The following MUSK variants were observed in gnomAD, a reference collection of about 807,000 sequenced individuals.
MUSK encodes muscle associated receptor tyrosine kinase.
In MUSK, 55 loss-of-function variants were observed where a neutral mutation model predicts 88.7. The ratio of observed to expected loss-of-function variants is 0.62; its 90% CI spans 0.50 to 0.78. The LOEUF (loss-of-function observed/expected upper bound fraction) is 0.78. MUSK is among the 30% of genes least tolerant of loss of function. The pLI is 0.00. For synonymous variants in MUSK, 387 were observed against 391.9 expected (o/e 0.99, Z 0.15); for missense variants, 1,015 against 1,074.3 (o/e 0.94, Z 0.77).
rs551937493 is a variant in MUSK at position 110,744,549 on chromosome 9, T to C, written c.754-3092T>C. Among the ~76,000 whole-genome samples, 8 of 152,336 alleles carry C rather than the reference T, an allele frequency of 5.3e-5. No individual in the cohort carries two copies. The East Asian group carries it at 1.5e-3, about 29-fold the overall frequency. On this transcript the variant is annotated intron_variant, in intron 6 of 14. Transcript: ENST00000374448. Reference sequence around the variant, plus strand: ...GGCATGAATTATTATGCCTATTTAATAGAGCTTCCTATCCTACTGCCTCTT... The same window carrying C: ...GGCATGAATTATTATGCCTATTTAACAGAGCTTCCTATCCTACTGCCTCTT...
At chr9:110,751,553 A>G (rs2077248082) in intron 7 of MUSK, among the ~76,000 whole-genome samples, 1 of 152,218 alleles carries the variant, frequency 6.6e-6, no homozygotes, top group African/African-American at 2.4e-5. Flanking sequence ...GTGAGTGCCT[A>G]TGAAGAGCAG....
intron 7 of MUSK, among the ~76,000 whole-genome samples, chr9:110,755,954 A>G (rs62571376): frequency 0.38 from 41,851 of 110,212 alleles, 8,057 homozygotes; most frequent in Non-Finnish European, 0.43. Context: ...ATATATACAC[A>G]TATATATATA....
intron 9 of MUSK, among the ~76,000 whole-genome samples, chr9:110,769,220 C>G (rs1429475057): frequency 6.6e-6 from 1 of 152,042 alleles, no homozygotes; most frequent in African/African-American, 2.4e-5. Context: ...TTGATAAAAC[C>G]AGAAACTATT....
In MUSK at chr9:110,802,541, A is replaced by T. The variant is rs550954104; in HGVS notation, c.*1553A>T. Among the ~76,000 whole-genome samples the T allele has an allele frequency of 6.6e-6, 1 of 152,218 alleles. No homozygotes were observed. Among genetic ancestry groups the T allele is most frequent in the East Asian group, 1.9e-4 (1 of 5,194 alleles). Reference sequence around the variant, plus strand: ...AATCTGCCTCATGTAACAGCTTGACATCTTTGGTGGGAAACCTGCCATTTC... The same window carrying T: ...AATCTGCCTCATGTAACAGCTTGACTTCTTTGGTGGGAAACCTGCCATTTC... On this transcript the variant is annotated 3_prime_UTR_variant, in exon 15 of 15. Transcript: ENST00000374448.
intron 5 of MUSK, among the ~76,000 whole-genome samples, chr9:110,715,346 TA>T (rs1356307649): frequency 6.7e-6 from 1 of 149,598 alleles, no homozygotes; most frequent in South Asian, 2.1e-4. Flanking sequence ...GTTTTCTGGA[TA>T]AAAAACCTGA....
chr9:110,732,568 A>G (rs577962291), intron 5 of MUSK, among the ~76,000 whole-genome samples: 40 of 152,122 alleles, frequency 2.6e-4, no homozygotes, highest in African/African-American at 6.0e-4. Flanking sequence ...TCCCTGTTAA[A>G]TATCTGGGTT....
intron 1 of MUSK, among the ~76,000 whole-genome samples, chr9:110,680,383 CTTTT>C (rs11461650): frequency 7.1e-6 from 1 of 141,616 alleles, no homozygotes; most frequent in African/African-American, 2.6e-5. Flanking sequence ...TTCTTTTTTT[CTTTT>C]TTTTTTTTTC....
intron 1 of MUSK, among the ~76,000 whole-genome samples, chr9:110,681,029 T>TATATTA (rs1564209366): frequency 9.2e-5 from 1 of 10,824 alleles, no homozygotes; most frequent in African/African-American, 7.9e-4. Context: ...ATATTATATA[T>TATATTA]TATATATTAT....
intron 3 of MUSK, among the ~76,000 whole-genome samples, chr9:110,689,769 ATC>A (rs1225543193): frequency 0.027 from 1,324 of 49,836 alleles, 62 homozygotes; most frequent in African/African-American, 0.092. Context: ...AACTATATAT[ATC>A]ACATATAGTT....
intron 7 of MUSK, among the ~76,000 whole-genome samples, chr9:110,757,201 T>C (rs2077336753): frequency 6.6e-6 from 1 of 152,106 alleles, no homozygotes; most frequent in African/African-American, 2.4e-5. Flanking sequence ...GGCTCATGCC[T>C]GTATCCCAGC....
At position 110,687,211 on chromosome 9, in the gene MUSK, G is replaced by A; in HGVS notation, c.301G>A (p.Ala101Thr). 6.2e-7 allele frequency: 1 copy of A among 1,613,856 alleles called. No individual in the cohort carries two copies. Among genetic ancestry groups the A allele is most frequent in the Non-Finnish European group, 8.5e-7 (1 of 1,179,804 alleles). Residue 101 changes from alanine to threonine, a missense_variant, in exon 3 of 15, where the codon GCC (alanine) becomes ACC (threonine). Coordinates refer to ENST00000374448, the MANE Select transcript of MUSK (RefSeq NM_005592.4). The part of the protein sequence containing the change: ...DSDDGIYCCT[A>T]NNGVGGAVES... ...TGATGATGGCATTTACTGCTGCACG[G>A]CCAACAATGGTGTGGGAGGAGCTGT...
rs891300911 is a variant in MUSK, at chr9:110,767,738, G to T, written c.921-82G>T. 60 of 1,544,730 alleles carry T rather than the reference G, an allele frequency of 3.9e-5. No homozygotes were observed. In the African/African-American group the frequency reaches 6.9e-4, roughly 18 times the overall value. The stretch of plus-strand genomic sequence containing the variant: ...TCTCCTATTTCTGAGACACAGATGT[G>T]AAAACCAAAAAAAAAAAGAAAAGCA... On this transcript the variant is annotated intron_variant, in intron 8 of 14. Coordinates refer to ENST00000374448, the MANE Select transcript of MUSK (RefSeq NM_005592.4).
At chr9:110,687,080 G>A (rs768622483) in intron 2 of MUSK, 37 bp from the exon 3 acceptor site, 2 of 1,587,722 alleles carry the variant, frequency 1.3e-6, no homozygotes, top group Non-Finnish European at 1.7e-6. Flanking sequence ...AATCACAGAG[G>A]AAGCACTAAT....
intron 9 of MUSK, among the ~76,000 whole-genome samples, chr9:110,773,187 T>C (rs895786207): frequency 6.6e-6 from 1 of 152,064 alleles, no homozygotes; most frequent in African/African-American, 2.4e-5. Context: ...AAACAACTTA[T>C]ATATAACTTT....
chr9:110,677,280 T>C (rs2076044235), intron 1 of MUSK, among the ~76,000 whole-genome samples: 1 of 152,226 alleles, frequency 6.6e-6, no homozygotes, highest in Admixed American at 6.5e-5. Context: ...CCTCTTAGTT[T>C]CCACTTCCTT....
Position 110,785,015 on chromosome 9 carries a change from A to G in MUSK, c.1585A>G (p.Arg529Gly). The G allele has an allele frequency of 6.2e-7, 1 of 1,613,252 alleles. No homozygotes were observed. The highest frequency in any genetic ancestry group is 8.5e-7 in the Non-Finnish European group (1 of 1,179,500). ...AAGAAAACAATGGAAAAATAAGAAA[A>G]GGTGAGATTCTAGTTTCAGCTAACC... ...RRRKQWKNKK[R>G]ESAAVTLTTL... Residue 529 changes from arginine to glycine, a missense_variant and splice_region_variant, in exon 12 of 15, where the codon AGA (arginine) becomes GGA (glycine). Transcript: ENST00000374448.
chr9:110,717,405 A>G (rs866208857), intron 5 of MUSK, among the ~76,000 whole-genome samples: 3 of 149,784 alleles, frequency 2.0e-5, no homozygotes, highest in East Asian at 1.9e-4. Context: ...CAAGCATCTT[A>G]TCATTCTTTA....
chr9:110,712,024 CTGTT>C (rs982727483), intron 5 of MUSK, among the ~76,000 whole-genome samples: 2 of 152,160 alleles, frequency 1.3e-5, no homozygotes, highest in African/African-American at 4.8e-5. Context: ...CAATCTGGCT[CTGTT>C]TGCACAGTCA....
intron 5 of MUSK, among the ~76,000 whole-genome samples, chr9:110,719,971 A>G (rs2076790103): frequency 6.6e-6 from 1 of 152,140 alleles, no homozygotes; most frequent in South Asian, 2.1e-4. Context: ...TGGAAATTAA[A>G]TGACCTGCTC....
Sources: gnomAD v4.1 joint callset for allele counts (sites outside exome capture counted in the v4.1 genomes callset) on GRCh38, gnomAD v4.1.1 for gene constraint, MANE v1.5 for transcripts, NCBI Gene and HGNC (gene_info 2026-07-23, HGNC 2026-07-21) for gene names.